CSMD1: variants seen among roughly 807,000 people sequenced by gnomAD.
CSMD1 encodes CUB and sushi domain-containing protein 1.
In CSMD1, 213 loss-of-function variants were observed where a neutral mutation model predicts 417.5. The observed-to-expected ratio is 0.51, with a 90% CI of 0.46 to 0.57. CSMD1 has a LOEUF of 0.57. Ranked by LOEUF, CSMD1 falls within the 20% of genes least tolerant of loss-of-function variation. The pLI, the probability that CSMD1 is intolerant of heterozygous loss-of-function variation, is 0.00. For missense variants in CSMD1, 6,923 were observed against 4,529.7 expected (o/e 1.53, Z -15.17); for synonymous variants, 2,862 against 1,736.8 (o/e 1.65, Z -16.11).
intron 12 of CSMD1, among the ~76,000 whole-genome samples, chr8:3,465,949 G>A (rs982149772): frequency 1.3e-5 from 2 of 152,150 alleles, no homozygotes; most frequent in Non-Finnish European, 2.9e-5. Context: ...AACTGGCTCA[G>A]CTAGAAGCTG....
intron 27 of CSMD1, among the ~76,000 whole-genome samples, chr8:3,228,685 T>G (rs1798656460): frequency 6.6e-6 from 1 of 152,124 alleles, no homozygotes; most frequent in African/African-American, 2.4e-5. Context: ...ATGTTCAAAT[T>G]AATATAAATT....
intron 5 of CSMD1, among the ~76,000 whole-genome samples, chr8:3,968,180 C>T (rs934551626): frequency 1.6e-5 from 2 of 121,824 alleles, no homozygotes; most frequent in African/African-American, 6.8e-5. Flanking sequence ...GAGCGAGACT[C>T]CGTCTCAAAT....
At chr8:3,341,118 G>A (rs1165853383) in intron 23 of CSMD1, among the ~76,000 whole-genome samples, 1 of 152,172 alleles carries the variant, frequency 6.6e-6, no homozygotes, top group Non-Finnish European at 1.5e-5. Context: ...ATGCCGGGGA[G>A]CAATAGAGTC....
intron 2 of CSMD1, among the ~76,000 whole-genome samples, chr8:4,546,444 C>G (rs369245468): frequency 6.6e-6 from 1 of 152,166 alleles, no homozygotes; most frequent in Non-Finnish European, 1.5e-5. Context: ...AAGAACCACC[C>G]TTACCATTCC....
chr8:4,849,726 C>G (rs144454350), intron 1 of CSMD1, among the ~76,000 whole-genome samples: 1 of 152,140 alleles, frequency 6.6e-6, no homozygotes, highest in African/African-American at 2.4e-5. Context: ...ACAGGCTATA[C>G]CATACATCCT....
At chr8:3,613,465 G>C (rs980766819) in intron 8 of CSMD1, among the ~76,000 whole-genome samples, 2 of 151,706 alleles carry the variant, frequency 1.3e-5, no homozygotes, top group African/African-American at 4.8e-5. Context: ...AAAGTCTACA[G>C]CCTATCATAA....
chr8:3,196,952 C>A (rs894910220), intron 33 of CSMD1, among the ~76,000 whole-genome samples: 3 of 152,156 alleles, frequency 2.0e-5, no homozygotes, highest in African/African-American at 7.2e-5. Flanking sequence ...GGGTCACTGG[C>A]CACAGCCTTC....
chr8:3,554,212 T>C (rs1426663784), intron 10 of CSMD1, among the ~76,000 whole-genome samples: 2 of 152,226 alleles, frequency 1.3e-5, no homozygotes, highest in African/African-American at 2.4e-5. Context: ...GCAAAAAAGA[T>C]TGTGTTTTTC....
intron 7 of CSMD1, among the ~76,000 whole-genome samples, chr8:3,683,924 C>T (rs1354223838): frequency 2.0e-5 from 3 of 151,828 alleles, no homozygotes; most frequent in Non-Finnish European, 4.4e-5. Flanking sequence ...TGTTAGACCA[C>T]TAAGTTTTAG....
rs553323900 is a variant in CSMD1, at chr8:4,966,908, T to C, written c.85+27424A>G. ...GCACGGTTAAAAATATCAACTAAAG[T>C]GACTGAAGCATTGGCAATCCAGTGT... is the stretch of plus-strand genomic sequence containing the variant. On this transcript the variant is annotated intron_variant, in intron 1 of 69. Coordinates refer to ENST00000635120, the MANE Select transcript of CSMD1 (RefSeq NM_033225.6). 2.5e-4 allele frequency among the ~76,000 whole-genome samples: 38 copies of C among 152,292 alleles called. 1 individual carries two copies. Among genetic ancestry groups the C allele is most frequent in the Admixed American group, 1.3e-4 (2 of 15,286 alleles).
chr8:3,852,713 C>A (rs543887168), intron 5 of CSMD1, among the ~76,000 whole-genome samples: 2 of 151,924 alleles, frequency 1.3e-5, no homozygotes. Context: ...CTGTGAGGGA[C>A]GGGAGAGATG....
At chr8:3,956,317 G>T (rs1264524645) in intron 5 of CSMD1, among the ~76,000 whole-genome samples, 2 of 152,160 alleles carry the variant, frequency 1.3e-5, no homozygotes, top group Non-Finnish European at 2.9e-5. Context: ...CCCATCTCAA[G>T]ATGGGGAAAC....
chr8:3,090,272 G>C (rs996127061), intron 48 of CSMD1, among the ~76,000 whole-genome samples: 3 of 123,928 alleles, frequency 2.4e-5, no homozygotes, highest in Non-Finnish European at 3.1e-5. Context: ...AGCCGAGATC[G>C]CACCACTGCA....
At chr8:3,855,240 A>T (rs186793421) in intron 5 of CSMD1, among the ~76,000 whole-genome samples, 1 of 152,304 alleles carries the variant, frequency 6.6e-6, no homozygotes, top group Admixed American at 6.5e-5. Flanking sequence ...GTAAAAGAAG[A>T]AATAACCATA....
intron 5 of CSMD1, among the ~76,000 whole-genome samples, chr8:3,867,982 C>T (rs1023265694): frequency 6.6e-6 from 1 of 152,062 alleles, no homozygotes; most frequent in African/African-American, 2.4e-5. Flanking sequence ...TGTGGGAGAC[C>T]CAAGATTCTC....
chr8:3,545,364 T>G (rs999723918), intron 10 of CSMD1, among the ~76,000 whole-genome samples: 2 of 152,208 alleles, frequency 1.3e-5, no homozygotes, highest in Non-Finnish European at 2.9e-5. Context: ...CTTAACATAT[T>G]CTTCTACAAA....
At chr8:3,733,142 TAGACTC>T (rs1354053181) in intron 6 of CSMD1, among the ~76,000 whole-genome samples, 1 of 148,234 alleles carries the variant, frequency 6.7e-6, no homozygotes, top group African/African-American at 2.5e-5. Flanking sequence ...AGTTAGGAAT[TAGACTC>T]AGTACCAGGA....
chr8:4,324,317 C>T (rs1032546289), intron 3 of CSMD1, among the ~76,000 whole-genome samples: 11 of 152,158 alleles, frequency 7.2e-5, no homozygotes, highest in African/African-American at 2.2e-4. Flanking sequence ...ACAGCAACCT[C>T]GAAAGAAATC....
At chr8:3,056,580 G>C (rs1585242475) in intron 49 of CSMD1, among the ~76,000 whole-genome samples, 1 of 151,962 alleles carries the variant, frequency 6.6e-6, no homozygotes, top group Non-Finnish European at 1.5e-5. Flanking sequence ...ATGTTACCCA[G>C]AATGGTCTTG....
Sources: allele counts gnomAD v4.1 joint callset (sites outside exome capture counted in the v4.1 genomes callset), GRCh38; gene constraint gnomAD v4.1.1; transcripts MANE v1.5; gene names NCBI Gene and HGNC (gene_info 2026-07-23, HGNC 2026-07-21).